The following WNT7B variants were observed in gnomAD, a reference collection of about 807,000 sequenced individuals.
The protein encoded by WNT7B is protein Wnt-7b.
Under a neutral mutation model 38.2 loss-of-function variants are expected in WNT7B, and 19 were observed. That is an observed-to-expected ratio of 0.50 (90% CI 0.35 to 0.73). The LOEUF (loss-of-function observed/expected upper bound fraction) is 0.73. WNT7B is among the 30% of genes least tolerant of loss of function. The probability of loss-of-function intolerance (pLI) is 0.01; values close to 1 mark genes in which losing one functional copy is unlikely to be tolerated. For missense variants in WNT7B, 423 were observed against 507.9 expected, an observed-to-expected ratio of 0.83 and a Z score of 1.61; for synonymous variants, 243 against 209.3, an observed-to-expected ratio of 1.16 and a Z score of -1.39.
Position 45,922,851 on chromosome 22 carries a change from T to C in WNT7B, c.*5A>G. The C allele has an allele frequency of 6.3e-7, 1 of 1,591,178 alleles. No individual in the cohort carries two copies. Among genetic ancestry groups the C allele is most frequent in the Non-Finnish European group, 8.6e-7 (1 of 1,163,858 alleles). On this transcript the variant is annotated 3_prime_UTR_variant, in exon 4 of 4. Coordinates refer to ENST00000339464, the MANE Select transcript of WNT7B (RefSeq NM_058238.3). ...GGGTGCCCGCGGCCGCCTCCGGGCC[T>C]GGCCTCACTTGCAGGTGAAGACCTC...
intron 2 of WNT7B, chr22:45,936,101 G>T: frequency 2.0e-6 from 2 of 985,412 alleles, no homozygotes; most frequent in Non-Finnish European, 2.4e-6. Flanking sequence ...GCCCTCAAGA[G>T]CACTGGGTGG....
At chr22:45,925,341 AAGACTGGAGAGACTGGGG>A (rs1234075404) in intron 3 of WNT7B, 2 of 985,220 alleles carry the variant, frequency 2.0e-6, no homozygotes, top group Non-Finnish European at 2.4e-6. Flanking sequence ...CCCTTGGACA[AAGACTGGAGAGACTGGGG>A]AGACTGGAGA....
chr22:45,925,473 T>C (rs1223282575), intron 3 of WNT7B: 20 of 985,096 alleles, frequency 2.0e-5, no homozygotes, highest in South Asian at 1.4e-4. Flanking sequence ...CTTTGGGGAA[T>C]TGCAGGGCTA....
intron 1 of WNT7B, among the ~76,000 whole-genome samples, chr22:45,968,311 C>T (rs9330814): frequency 0.3 from 45,770 of 152,062 alleles, 7,516 homozygotes; most frequent in East Asian, 0.67. Flanking sequence ...TGGCCAACCT[C>T]CCTGTTCCTG....
intron 3 of WNT7B, chr22:45,925,988 C>G: frequency 1.0e-6 from 1 of 985,428 alleles, no homozygotes; most frequent in Non-Finnish European, 1.2e-6. Flanking sequence ...TCCCCTGTCC[C>G]TGTCTCCCGG....
At position 45,965,669 on chromosome 22, in the gene WNT7B, G is replaced by A. The variant is rs1932295737; in HGVS notation, c.71+11015C>T. Among the ~76,000 whole-genome samples, 1 of 152,196 alleles carries A rather than the reference G, an allele frequency of 6.6e-6. No homozygotes were observed. The highest frequency in any genetic ancestry group is 6.5e-5 in the Admixed American group (1 of 15,290). On this transcript the variant is annotated intron_variant, in intron 1 of 3. Transcript: ENST00000339464. This position sits in a 1 kb window ranked among gnomAD's most constrained non-coding sequence, Gnocchi z 6.5. Reference sequence around the variant, plus strand: ...GCCAGGCTGGTCTCAGAGCTCCTGGGTCAGGGGCGAAAGCAGGACAAGACC... The same window carrying A: ...GCCAGGCTGGTCTCAGAGCTCCTGGATCAGGGGCGAAAGCAGGACAAGACC...
chr22:45,962,569 C>T (rs1932220816), intron 1 of WNT7B, among the ~76,000 whole-genome samples: 1 of 152,374 alleles, frequency 6.6e-6, no homozygotes, highest in African/African-American at 2.4e-5. Flanking sequence ...TCTCCACTCC[C>T]TGCAGGATCA....
intron 3 of WNT7B, chr22:45,925,960 ATCCCTCCCCCTCC>A (rs946826749): frequency 1.6e-5 from 16 of 984,760 alleles, no homozygotes; most frequent in Non-Finnish European, 1.9e-5. Context: ...TGTGCCCTGT[ATCCCTCCCCCTCC>A]TCCCTCCCCT....
In WNT7B at chr22:45,965,418, G is replaced by A. The variant is rs767034464; in HGVS notation, c.71+11266C>T. On this transcript the variant is annotated intron_variant, in intron 1 of 3. Transcript: ENST00000339464. The surrounding 1 kb of genome is among the most constrained non-coding windows in gnomAD (Gnocchi z 6.5). ...TGATAACCCACCCGCGGGGGCTGCC[G>A]TCACGCTGTGGGCATGAAGGGAAAG... Among the ~76,000 whole-genome samples the A allele has an allele frequency of 3.9e-5, 6 of 152,316 alleles. No individual in the cohort carries two copies. Among genetic ancestry groups the A allele is most frequent in the African/African-American group, 9.6e-5 (4 of 41,576 alleles).
chr22:45,973,203 GAGA>G (rs1932488629), intron 1 of WNT7B, among the ~76,000 whole-genome samples: 1 of 152,244 alleles, frequency 6.6e-6, no homozygotes, highest in African/African-American at 2.4e-5. Flanking sequence ...TGGGTTTGTG[GAGA>G]AGTAGACCTA....
At chr22:45,924,640 C>T (rs1039098048) in intron 3 of WNT7B, among the ~76,000 whole-genome samples, 2 of 152,168 alleles carry the variant, frequency 1.3e-5, no homozygotes, top group Admixed American at 1.3e-4. Flanking sequence ...CCCAAAGGCT[C>T]ATCAGGTGGG....
Position 45,922,380 on chromosome 22 carries a change from A to C in WNT7B, c.*476T>G. The C allele has an allele frequency of 6.0e-6, 1 of 166,378 alleles. No individual in the cohort carries two copies. Among genetic ancestry groups the C allele is most frequent in the Non-Finnish European group, 1.3e-5 (1 of 76,786 alleles). 10.3% of individuals were successfully genotyped at this position (166,378 alleles called of 1,614,324 possible). A position where few individuals can be genotyped will look rare whatever the true frequency, so the allele number is the denominator to read the frequency against. ...GAAAACATAAATAATTTGTGTCAAC[A>C]TCTGTCCCCACCGCCCCAGGGCCCA... On this transcript the variant is annotated 3_prime_UTR_variant, in exon 4 of 4. Transcript: ENST00000339464.
At chr22:45,935,682 C>T (rs1270842896) in intron 2 of WNT7B, among the ~76,000 whole-genome samples, 1 of 152,234 alleles carries the variant, frequency 6.6e-6, no homozygotes, top group African/African-American at 2.4e-5. Context: ...TTTCCCAAAT[C>T]CCATGCATGA....
chr22:45,957,682 CAA>C (rs367797133), intron 1 of WNT7B, among the ~76,000 whole-genome samples: 1,702 of 35,914 alleles, frequency 0.047, 17 homozygotes, highest in Middle Eastern at 0.056. Context: ...GACTCCGTCT[CAA>C]AAAAAAAAAA....
intron 2 of WNT7B, 50 bp from the exon 3 acceptor site, chr22:45,931,419 G>A (rs757861614): frequency 2.0e-6 from 3 of 1,523,654 alleles, no homozygotes; most frequent in African/African-American, 2.7e-5. Flanking sequence ...CCTGGGCCAG[G>A]TGGGCTCAGG....
At chr22:45,957,995 C>T (rs1300916793) in intron 1 of WNT7B, among the ~76,000 whole-genome samples, 6 of 152,246 alleles carry the variant, frequency 3.9e-5, no homozygotes, top group South Asian at 2.1e-4. Context: ...GCAGCTCCCA[C>T]GCAGCGAGAA....
rs549365300 is a variant in WNT7B at position 45,926,338 on chromosome 22, C to T, written c.571-3003G>A. ...TGCTCAGGGGAGCTGCAGGCTGCCG[C>T]AGGGGCCGCTCCTCCAGGCCTTGGT... On this transcript the variant is annotated intron_variant, in intron 3 of 3. Transcript: ENST00000339464. 5 of 985,390 alleles carry T rather than the reference C, an allele frequency of 5.1e-6. No individual in the cohort carries two copies. In the South Asian group the frequency reaches 1.9e-4, roughly 37 times the overall value. 61.0% of individuals were successfully genotyped at this position (985,390 alleles called of 1,614,324 possible). A position where few individuals can be genotyped will look rare whatever the true frequency, so the allele number is the denominator to read the frequency against.
chr22:45,928,233 ACT>A (rs937187382), intron 3 of WNT7B, among the ~76,000 whole-genome samples: 1 of 151,852 alleles, frequency 6.6e-6, no homozygotes, highest in Non-Finnish European at 1.5e-5. Flanking sequence ...CAGGCCTGGT[ACT>A]CTGTGATGGG....
chr22:45,926,095 C>G, intron 3 of WNT7B: 3 of 985,472 alleles, frequency 3.0e-6, no homozygotes, highest in Non-Finnish European at 3.6e-6. Flanking sequence ...GCAAATAAAG[C>G]CTACTGGGCC....
Sources: allele counts gnomAD v4.1 joint callset (sites outside exome capture counted in the v4.1 genomes callset), GRCh38; gene constraint gnomAD v4.1.1; non-coding constraint Gnocchi (gnomAD v3.1); transcripts MANE v1.5; gene names NCBI Gene and HGNC (gene_info 2026-07-23, HGNC 2026-07-21).